The following KNTC1 variants were observed in gnomAD, a reference collection of about 807,000 sequenced individuals.
The protein encoded by KNTC1 is kinetochore associated 1, also known as kinetochore-associated protein 1.
In KNTC1, 253 loss-of-function variants were observed where a neutral mutation model predicts 314.4. The observed-to-expected ratio is 0.80, with a 90% CI of 0.73 to 0.89. The LOEUF (loss-of-function observed/expected upper bound fraction) is 0.89. Among genes scored for constraint, KNTC1 ranks in the 40% least tolerant of loss-of-function variants. The pLI is 0.00. For missense variants in KNTC1, 2,475 were observed against 2,572.9 expected, an observed-to-expected ratio of 0.96 and a Z score of 0.82; for synonymous variants, 901 against 901.4, an observed-to-expected ratio of 1.00 and a Z score of 0.01.
At chr12:122,545,792 A>C (rs111775324) in intron 8 of KNTC1, among the ~76,000 whole-genome samples, 7,799 of 152,064 alleles carry the variant, frequency 0.051, 639 homozygotes, top group African/African-American at 0.18. Context: ...TCTCTACAAC[A>C]AATAGTAAAT....
At chr12:122,561,461 A>T (rs1963972993) in intron 18 of KNTC1, among the ~76,000 whole-genome samples, 1 of 149,562 alleles carries the variant, frequency 6.7e-6, no homozygotes, top group African/African-American at 2.5e-5. Context: ...TTTATTTGTA[A>T]TTTTTTTTTT....
intron 2 of KNTC1, among the ~76,000 whole-genome samples, chr12:122,530,450 A>AT (rs1400655268): frequency 1.3e-5 from 2 of 151,222 alleles, no homozygotes; most frequent in Non-Finnish European, 2.9e-5. Flanking sequence ...TACAAAGGAT[A>AT]TCTTTTTTTT....
At chr12:122,568,882 C>G (rs926157683) in intron 21 of KNTC1, among the ~76,000 whole-genome samples, 1 of 151,958 alleles carries the variant, frequency 6.6e-6, no homozygotes, top group African/African-American at 2.4e-5. Flanking sequence ...AAATTGTCTT[C>G]TGATAATATT....
intron 48 of KNTC1, among the ~76,000 whole-genome samples, chr12:122,604,168 CT>C (rs1163057379): frequency 0.2 from 20,148 of 100,388 alleles, 2,959 homozygotes; most frequent in African/African-American, 0.47. Flanking sequence ...CCCCGGTGGG[CT>C]TTTTTTTTTT....
intron 16 of KNTC1, among the ~76,000 whole-genome samples, chr12:122,555,771 C>G (rs1441412285): frequency 1.3e-5 from 2 of 150,934 alleles, no homozygotes; most frequent in East Asian, 3.9e-4. Context: ...ATCGCTTGAA[C>G]CCGGGAGGCA....
At chr12:122,538,476 A>T (rs757961677) in intron 4 of KNTC1, 22 bp downstream of exon 4, 12 of 1,248,012 alleles carry the variant, frequency 9.6e-6, no homozygotes, top group Non-Finnish European at 1.4e-5. Context: ...TTGTATTTTA[A>T]TTTTCATTAT....
intron 2 of KNTC1, among the ~76,000 whole-genome samples, chr12:122,531,128 T>C (rs1236876571): frequency 6.6e-6 from 1 of 152,154 alleles, no homozygotes; most frequent in African/African-American, 2.4e-5. Flanking sequence ...CTGTGGACGT[T>C]ATTCCTAAAG....
chr12:122,533,983 C>T (rs1398818819), intron 2 of KNTC1, among the ~76,000 whole-genome samples: 2 of 152,222 alleles, frequency 1.3e-5, no homozygotes, highest in Admixed American at 6.5e-5. Flanking sequence ...CCTAAGATCA[C>T]TTAGCTAGTA....
Position 122,557,529 on chromosome 12 carries a change from T to TA in KNTC1, c.1398+21dup, listed in dbSNP as rs749979368. The TA allele has an allele frequency of 6.2e-7, 1 of 1,612,796 alleles. No individual in the cohort carries two copies. The highest frequency in any genetic ancestry group is 1.6e-4 in the Middle Eastern group (1 of 6,062). ...ATCCAGGTATGTTTTTCTTGTCACA[T>TA]ACTACAGTATTTAGATTGACGTGTT... On this transcript the variant is annotated intron_variant, in intron 17 of 63. Transcript: ENST00000333479.
chr12:122,594,427 C>A, intron 43 of KNTC1, 42 bp downstream of exon 43: 1 of 1,090,340 alleles, frequency 9.2e-7, no homozygotes, highest in Non-Finnish European at 1.4e-6. Context: ...TGTTAACAAA[C>A]TGGTAATTCT....
Position 122,533,311 on chromosome 12 carries a change from C to T in KNTC1, c.130-1353C>T, listed in dbSNP as rs548931062. On this transcript the variant is annotated intron_variant, in intron 2 of 63. Transcript: ENST00000333479. ...CCTCCCCAGTAGCTGGGATTACATG[C>T]GTCCGCCACCACGCCCGGCTAATTT... Among the ~76,000 whole-genome samples, 12 of 152,114 alleles carry T rather than the reference C, an allele frequency of 7.9e-5. No individual in the cohort carries two copies. In the East Asian group the frequency reaches 1.5e-3, roughly 20 times the overall value.
In KNTC1 at chr12:122,622,523, C is replaced by A; in HGVS notation, c.6431C>A (p.Thr2144Asn). The change falls in exon 62 of 64, where the codon ACC becomes AAC. Residue 2144 changes from threonine (T) to asparagine (N), a missense_variant. Physicochemically the swap from Thr to Asn is moderately conservative, Grantham distance 65. Transcript: ENST00000333479. ...NKKEFGILAK[T>N]KYFQMLKMHA... ...AAGGAGTTTGGGATTTTGGCAAAGA[C>A]CAAATACTTTCAAATGTTGAAGATG... 6.3e-7 allele frequency: 1 copy of A among 1,580,458 alleles called. No individual in the cohort carries two copies. Among genetic ancestry groups the A allele is most frequent in the Non-Finnish European group, 8.6e-7 (1 of 1,161,712 alleles).
chr12:122,621,641 G>A (rs1442658004), intron 60 of KNTC1, among the ~76,000 whole-genome samples: 1 of 152,184 alleles, frequency 6.6e-6, no homozygotes, highest in Non-Finnish European at 1.5e-5. Flanking sequence ...AGCTGAACAT[G>A]CATATTTTTT....
intron 20 of KNTC1, chr12:122,563,842 G>A: frequency 2.8e-6 from 4 of 1,436,558 alleles, no homozygotes; most frequent in Non-Finnish European, 3.7e-6. Context: ...AACAGAAGGA[G>A]ACAGTCTTCA....
intron 3 of KNTC1, among the ~76,000 whole-genome samples, chr12:122,535,515 C>T (rs1329810612): frequency 6.6e-6 from 1 of 152,002 alleles, no homozygotes. Flanking sequence ...TGCTGGTGTG[C>T]GCCTATAGTT....
intron 57 of KNTC1, 43 bp downstream of exon 57, chr12:122,615,569 ATACTT>A: frequency 1.4e-6 from 2 of 1,466,804 alleles, no homozygotes; most frequent in Non-Finnish European, 1.8e-6. Flanking sequence ...TTTAGTCTTT[ATACTT>A]TCTGGCCTTG....
chr12:122,608,163 G>A (rs983923972), intron 51 of KNTC1, among the ~76,000 whole-genome samples: 3 of 152,150 alleles, frequency 2.0e-5, no homozygotes, highest in Non-Finnish European at 4.4e-5. Flanking sequence ...CCAGGCTAGA[G>A]CAGTGGCATG....
At chr12:122,601,435 G>T in intron 44 of KNTC1, 101 bp from the exon 45 acceptor site, 1 of 1,058,754 alleles carries the variant, frequency 9.4e-7, no homozygotes, top group South Asian at 1.7e-5. Flanking sequence ...GTAGTGCAGT[G>T]ACATTTTTAT....
intron 43 of KNTC1, among the ~76,000 whole-genome samples, chr12:122,595,167 C>T (rs1451292761): frequency 1.3e-5 from 2 of 152,320 alleles, no homozygotes; most frequent in Admixed American, 6.5e-5. Flanking sequence ...TGAGCCACTG[C>T]GCCTGAACAA....
Sources: allele counts gnomAD v4.1 joint callset (sites outside exome capture counted in the v4.1 genomes callset), GRCh38; gene constraint gnomAD v4.1.1; transcripts MANE v1.5; gene names NCBI Gene and HGNC (gene_info 2026-07-23, HGNC 2026-07-21).